The following DEK variants were observed in gnomAD, a reference collection of about 807,000 sequenced individuals.
DEK encodes the protein protein DEK.
Under a neutral mutation model 46.8 loss-of-function variants are expected in DEK, and 28 were observed. The observed-to-expected ratio is 0.60, with a 90% CI of 0.44 to 0.82. The LOEUF (loss-of-function observed/expected upper bound fraction) is 0.82. DEK is among the 40% of genes least tolerant of loss of function. DEK has a pLI of 0.00. For synonymous variants in DEK, 160 were observed against 144.5 expected (o/e 1.11, Z -0.77); for missense variants, 416 against 430.6 (o/e 0.97, Z 0.30).
At chr6:18,238,673 G>T (rs566992660) in intron 7 of DEK, among the ~76,000 whole-genome samples, 8 of 142,620 alleles carry the variant, frequency 5.6e-5, no homozygotes, top group African/African-American at 2.1e-4. Flanking sequence ...CTCCAGGAGA[G>T]AGACTGTCTC....
intron 7 of DEK, among the ~76,000 whole-genome samples, chr6:18,239,280 A>C (rs1469094507): frequency 2.0e-5 from 3 of 151,158 alleles, no homozygotes; most frequent in African/African-American, 7.3e-5. Flanking sequence ...TTTAGATTAA[A>C]GTATACACAT....
In DEK at chr6:18,263,877, G is replaced by A; in HGVS notation, c.111C>T (p.Asp37=). The A allele has an allele frequency of 3.1e-6, 5 of 1,612,042 alleles. No individual in the cohort carries two copies. The highest frequency in any genetic ancestry group is 2.2e-5 in the East Asian group (1 of 44,632). The change falls in exon 2 of 11, where the codon GAC becomes GAT. Residue 37 remains aspartate, a synonymous_variant. Transcript: ENST00000652689. ...GPREESEEEE[D]EDDEEEEEEE... ...CCTCCTCCTCCTCCTCGTCGTCCTCGTCCTCTTCCTCCTCGCTCTCCTCTC... is the reference window on the plus strand; with the variant it reads ...CCTCCTCCTCCTCCTCGTCGTCCTCATCCTCTTCCTCCTCGCTCTCCTCTC...
chr6:18,238,726 C>T (rs1214551462), intron 7 of DEK, among the ~76,000 whole-genome samples: 2 of 151,076 alleles, frequency 1.3e-5, no homozygotes. Flanking sequence ...CATACTTTGT[C>T]TCATGTGGAG....
intron 7 of DEK, among the ~76,000 whole-genome samples, chr6:18,247,029 A>G (rs1473244280): frequency 6.6e-6 from 1 of 152,186 alleles, no homozygotes; most frequent in East Asian, 1.9e-4. Flanking sequence ...CTTCTTAGAA[A>G]AGAGGTCCTT....
intron 7 of DEK, among the ~76,000 whole-genome samples, chr6:18,240,488 T>C (rs1415104596): frequency 6.6e-6 from 1 of 152,246 alleles, no homozygotes; most frequent in Non-Finnish European, 1.5e-5. Context: ...GAAACAATAG[T>C]TCCTATGGTT....
At chr6:18,227,179 G>C (rs144167568) in intron 9 of DEK, among the ~76,000 whole-genome samples, 13 of 152,226 alleles carry the variant, frequency 8.5e-5, no homozygotes, top group East Asian at 1.9e-4. Flanking sequence ...TGCTGAGGAG[G>C]GTTAGTATAA....
At chr6:18,235,644 G>GT (rs1255095131) in intron 9 of DEK, among the ~76,000 whole-genome samples, 1 of 152,102 alleles carries the variant, frequency 6.6e-6, no homozygotes, top group East Asian at 1.9e-4. Flanking sequence ...GGTTCCACCT[G>GT]TAACATTAAA....
intron 9 of DEK, among the ~76,000 whole-genome samples, chr6:18,231,673 T>C (rs139800839): frequency 0.12 from 17,544 of 152,174 alleles, 1,267 homozygotes; most frequent in Non-Finnish European, 0.17. Context: ...CAGGAAGAAG[T>C]TGAATCTGAA....
Position 18,224,850 on chromosome 6 carries a change from G to A in DEK, c.*869C>T, listed in dbSNP as rs1790037495. 4.7e-6 allele frequency: 1 copy of A among 210,788 alleles called. No individual in the cohort carries two copies. Among genetic ancestry groups the A allele is most frequent in the African/African-American group, 2.3e-5 (1 of 44,092 alleles). 13.1% of individuals were successfully genotyped at this position (210,788 alleles called of 1,614,324 possible). A position where few individuals can be genotyped will look rare whatever the true frequency, so the allele number is the denominator to read the frequency against. On this transcript the variant is annotated 3_prime_UTR_variant, in exon 11 of 11. Transcript: ENST00000652689. ...TCCCAAAGTTTTTGAAGCTTTGATA[G>A]GTTGATTTTTGGTCTGTCCTTATAT...
intron 7 of DEK, among the ~76,000 whole-genome samples, chr6:18,239,086 G>A (rs764042907): frequency 2.0e-5 from 3 of 151,946 alleles, no homozygotes; most frequent in African/African-American, 7.3e-5. Flanking sequence ...CACCACACCC[G>A]GCTACTTTTG....
chr6:18,255,097 G>A (rs570032154), intron 6 of DEK, among the ~76,000 whole-genome samples: 2 of 152,152 alleles, frequency 1.3e-5, no homozygotes, highest in South Asian at 4.2e-4. Flanking sequence ...CACTAAAAAG[G>A]CAAGGTCATG....
chr6:18,256,175 C>T (rs533183508), intron 5 of DEK, among the ~76,000 whole-genome samples, 186 bp downstream of exon 5: 65 of 151,904 alleles, frequency 4.3e-4, no homozygotes, highest in African/African-American at 1.1e-3. Flanking sequence ...TTAGTGGAGA[C>T]GGGGTTTCTC....
chr6:18,225,858 G>A (rs1023777580), intron 10 of DEK, 128 bp from the exon 11 acceptor site: 1 of 1,126,522 alleles, frequency 8.9e-7, no homozygotes, highest in Non-Finnish European at 1.3e-6. Context: ...GCTACCTGCT[G>A]ATCTTCCCCT....
intron 2 of DEK, among the ~76,000 whole-genome samples, chr6:18,261,834 G>C (rs550881751): frequency 6.6e-6 from 1 of 152,144 alleles, no homozygotes; most frequent in African/African-American, 2.4e-5. Context: ...AAACAAGACC[G>C]GACTTTGGGG....
chr6:18,254,510 A>G (rs1791524254), intron 6 of DEK, among the ~76,000 whole-genome samples: 1 of 152,214 alleles, frequency 6.6e-6, no homozygotes, highest in Non-Finnish European at 1.5e-5. Context: ...TATTTTTAAC[A>G]TTTTAAAATA....
At chr6:18,239,694 C>G (rs948940919) in intron 7 of DEK, among the ~76,000 whole-genome samples, 1 of 152,112 alleles carries the variant, frequency 6.6e-6, no homozygotes, top group Non-Finnish European at 1.5e-5. Flanking sequence ...GCCATTTTAA[C>G]TTACTTCCTA....
chr6:18,225,444 C>A lies in DEK; in HGVS notation c.*275G>T. ...CCACAACAGCTCAAGAATCTATGAC[C>A]TTATATAAAGAAATCCAAAATGTAC... On this transcript the variant is annotated 3_prime_UTR_variant, in exon 11 of 11. Transcript: ENST00000652689. The A allele has an allele frequency of 2.5e-6, 1 of 395,082 alleles. No homozygotes were observed. The highest frequency in any genetic ancestry group is 4.5e-6 in the Non-Finnish European group (1 of 220,080). The allele number at this position is 395,082 out of a possible 1,614,324, so 24.5% of individuals were successfully genotyped here.
At chr6:18,234,339 A>G (rs992067062) in intron 9 of DEK, among the ~76,000 whole-genome samples, 9 of 151,974 alleles carry the variant, frequency 5.9e-5, no homozygotes, top group African/African-American at 2.2e-4. Context: ...CTAGAACTTA[A>G]AAGTATTAAA....
intron 9 of DEK, among the ~76,000 whole-genome samples, chr6:18,231,472 G>A (rs1310956634): frequency 6.6e-6 from 1 of 152,068 alleles, no homozygotes. Context: ...TAGACCGCTA[G>A]CAAGACTAAT....
Sources: gnomAD v4.1 joint callset for allele counts (sites outside exome capture counted in the v4.1 genomes callset) on GRCh38, gnomAD v4.1.1 for gene constraint, MANE v1.5 for transcripts, NCBI Gene and HGNC (gene_info 2026-07-23, HGNC 2026-07-21) for gene names.